The following PBXIP1 variants were observed in gnomAD, a reference collection of about 807,000 sequenced individuals.
The protein encoded by PBXIP1 is pre-B-cell leukemia transcription factor-interacting protein 1.
In PBXIP1, 73 loss-of-function variants were observed where a neutral mutation model predicts 73.7. The observed-to-expected ratio is 0.99, with a 90% CI of 0.82 to 1.20. The LOEUF (loss-of-function observed/expected upper bound fraction) is 1.20, where lower values mean the gene tolerates loss of function less well. Among genes scored for constraint, PBXIP1 ranks in the 50% most tolerant of loss-of-function variants. PBXIP1 has a pLI of 0.00. For synonymous variants in PBXIP1, 330 were observed against 366.9 expected, an observed-to-expected ratio of 0.90 and a Z score of 1.15; for missense variants, 818 against 911.4, an observed-to-expected ratio of 0.90 and a Z score of 1.32.
At chr1:154,945,189 C>T in intron 10 of PBXIP1, 72 bp from the exon 11 acceptor site, 2 of 1,106,278 alleles carry the variant, frequency 1.8e-6, no homozygotes, top group Non-Finnish European at 2.7e-6. Context: ...AGAGAGGACC[C>T]TGCTCCTCCC....
rs1356025589 is a variant in PBXIP1 at position 154,946,302 on chromosome 1, T to C, written c.1372A>G (p.Lys458Glu). ...QDPGVSANASKAWHQKSHFQN... is the reference protein window; with the variant it reads ...QDPGVSANASEAWHQKSHFQN... ...AAGTGGGACTTCTGGTGCCAGGCCT[T>C]TGAGGCATTGGCAGAGACCCCAGGG... The change falls in exon 10 of 11, where the codon AAG becomes GAG. Residue 458 changes from lysine (K) to glutamate (E), a missense_variant. By Grantham distance (56) the Lys-to-Glu change is moderately conservative. Coordinates refer to ENST00000368463, the MANE Select transcript of PBXIP1 (RefSeq NM_020524.4). 6.2e-7 allele frequency: 1 copy of C among 1,614,198 alleles called. No homozygotes were observed. The highest frequency in any genetic ancestry group is 8.5e-7 in the Non-Finnish European group (1 of 1,180,040).
chr1:154,953,646 T>C, intron 2 of PBXIP1, 25 bp downstream of exon 2: 1 of 1,265,214 alleles, frequency 7.9e-7, no homozygotes, highest in Non-Finnish European at 1.2e-6. Flanking sequence ...CCCACCCCCA[T>C]GGTTCCCAGG....
At position 154,945,602 on chromosome 1, in the gene PBXIP1, T is replaced by C. The variant is rs1337428785; in HGVS notation, c.2072A>G (p.His691Arg). 1 of 1,613,898 alleles carries C rather than the reference T, an allele frequency of 6.2e-7. No homozygotes were observed. The highest frequency in any genetic ancestry group is 1.3e-5 in the African/African-American group (1 of 74,938). Reference protein sequence around the residue: ...VDDFEDFIFSHFFGDKALKKR... With the variant: ...VDDFEDFIFSRFFGDKALKKR... ...CTTCAGTGCTTTGTCTCCAAAGAAG[T>C]GGCTGAAGATGAAGTCCTCAAAGTC... The change falls in exon 10 of 11, where the codon CAC becomes CGC. Residue 691 changes from histidine to arginine, a missense_variant. His to Arg is a conservative substitution (Grantham distance 29). Coordinates refer to ENST00000368463, the MANE Select transcript of PBXIP1 (RefSeq NM_020524.4).
rs1654864343 is a variant in PBXIP1, at chr1:154,947,469, T to G, written c.818A>C (p.Asp273Ala). Residue 273 changes from aspartate (D) to alanine (A), a missense_variant, in exon 9 of 11, where the codon GAC becomes GCC. Coordinates refer to ENST00000368463, the MANE Select transcript of PBXIP1 (RefSeq NM_020524.4). ...GTCCTGGTTCTCCTTGGCCAGCTTG[T>G]CCAGCAGAAGACCCATGTTTTGCAG... is the stretch of plus-strand genomic sequence containing the variant. ...PSLQNMGLLLDKLAKENQDIR... is the reference protein window; with the variant it reads ...PSLQNMGLLLAKLAKENQDIR... 2 of 1,613,910 alleles carry G rather than the reference T, an allele frequency of 1.2e-6. No individual in the cohort carries two copies. The highest frequency in any genetic ancestry group is 1.7e-6 in the Non-Finnish European group (2 of 1,179,926).
intron 8 of PBXIP1, 23 bp downstream of exon 8, chr1:154,947,619 C>A: frequency 6.2e-7 from 1 of 1,612,988 alleles, no homozygotes; most frequent in Non-Finnish European, 8.5e-7. Flanking sequence ...GCCCCACCTG[C>A]CTCTGGAGAC....
intron 7 of PBXIP1, 101 bp from the exon 8 acceptor site, chr1:154,947,813 C>T: frequency 2.8e-6 from 4 of 1,419,882 alleles, no homozygotes; most frequent in Non-Finnish European, 3.9e-6. Flanking sequence ...TCAGGACCCA[C>T]CCTGTGGCTG....
rs775540642 is a variant in PBXIP1 at position 154,945,034 on chromosome 1, T to C, written c.2186A>G (p.His729Arg). 2.3e-5 allele frequency: 37 copies of C among 1,584,782 alleles called. No homozygotes were observed. Among genetic ancestry groups the C allele is most frequent in the Non-Finnish European group, 2.9e-5 (34 of 1,155,650 alleles). The change falls in exon 11 of 11, where the codon CAC becomes CGC. Residue 729 changes from histidine (H) to arginine (R), a missense_variant. Transcript: ENST00000368463. The part of the protein sequence containing the change: ...EGHSHSHHHH[H>R]RG ...CTGTGGGGCAGGGTGTCAGCCCCGG[T>C]GGTGGTGGTGGTGGCTATGGCTGTG...
chr1:154,948,899 C>T (rs1654921255), intron 5 of PBXIP1, among the ~76,000 whole-genome samples: 1 of 152,190 alleles, frequency 6.6e-6, no homozygotes, highest in South Asian at 2.1e-4. Context: ...GTATGTCTGA[C>T]TGCCTGCTGG....
rs997343428 is a variant in PBXIP1, at chr1:154,956,086, T to C, written c.-54A>G. ...GGCATTACCTGAACCAGCTCTTGCT[T>C]CGGTCTTCAGCTTAACTTGTTGCAG... On this transcript the variant is annotated 5_prime_UTR_variant, in exon 1 of 11. Coordinates refer to ENST00000368463, the MANE Select transcript of PBXIP1 (RefSeq NM_020524.4). 1 of 152,420 alleles carries C rather than the reference T, an allele frequency of 6.6e-6. No individual in the cohort carries two copies. Among genetic ancestry groups the C allele is most frequent in the Non-Finnish European group, 1.5e-5 (1 of 68,056 alleles). The allele number at this position is 152,420 out of a possible 1,614,324, so 9.4% of individuals were successfully genotyped here.
chr1:154,948,275 G>C lies in PBXIP1; in HGVS notation c.501C>G (p.Ala167=). The change falls in exon 6 of 11, where the codon GCC becomes GCG. Residue 167 remains alanine, a synonymous_variant. Transcript: ENST00000368463. ...EGLRRRRGRE[A]GPPQPMVPLA... is the part of the protein sequence containing the mutation. Reference sequence around the variant, plus strand: ...GGGGCACCATGGGCTGAGGTGGGCCGGCCTCCCGGCCCCGCCGTCTCCGCA... The same window carrying C: ...GGGGCACCATGGGCTGAGGTGGGCCCGCCTCCCGGCCCCGCCGTCTCCGCA... 1 of 1,610,452 alleles carries C rather than the reference G, an allele frequency of 6.2e-7. No homozygotes were observed. The highest frequency in any genetic ancestry group is 8.5e-7 in the Non-Finnish European group (1 of 1,178,730).
chr1:154,947,095 T>A, intron 9 of PBXIP1: 1 of 578,130 alleles, frequency 1.7e-6, no homozygotes, highest in South Asian at 2.4e-5. Context: ...TCTTATTTCC[T>A]GGAACAGTGT....
rs753964420 is a variant in PBXIP1, at chr1:154,953,685, G to A, written c.37C>T (p.Leu13Phe). ...GCTCTTCCTACCTCGGAGCCAGCAA[G>A]CACCCAGCTATTATCAGAGTCTGGG... is the stretch of plus-strand genomic sequence containing the variant. ...SCPDSDNSWV[L>F]AGSESLPVET... Residue 13 changes from leucine (L) to phenylalanine (F), a missense_variant, in exon 2 of 11, where the codon CTT becomes TTT. By Grantham distance (22) the Leu-to-Phe change is conservative (BLOSUM62 0). Coordinates refer to ENST00000368463, the MANE Select transcript of PBXIP1 (RefSeq NM_020524.4). The A allele has an allele frequency of 5.6e-6, 9 of 1,612,620 alleles. No homozygotes were observed. Among genetic ancestry groups the A allele is most frequent in the East Asian group, 2.2e-5 (1 of 44,854 alleles).
At position 154,946,451 on chromosome 1, in the gene PBXIP1, A is replaced by G; in HGVS notation, c.1223T>C (p.Val408Ala). Residue 408 changes from valine (V) to alanine (A), a missense_variant, in exon 10 of 11, where the codon GTA becomes GCA. Transcript: ENST00000368463. Reference protein sequence around the residue: ...LERQRRLLGSVQQDLERSLQD... With the variant: ...LERQRRLLGSAQQDLERSLQD... ...CAAGCTCCTCTCCAGATCCTGCTGT[A>G]CAGACCCCAGCAGCCGTCGCTGCCT... The G allele has an allele frequency of 6.2e-7, 1 of 1,609,086 alleles. No individual in the cohort carries two copies. Among genetic ancestry groups the G allele is most frequent in the Non-Finnish European group, 8.5e-7 (1 of 1,179,986 alleles).
At position 154,944,952 on chromosome 1, in the gene PBXIP1, C is replaced by A; in HGVS notation, c.*72G>T. On this transcript the variant is annotated 3_prime_UTR_variant, in exon 11 of 11. Coordinates refer to ENST00000368463, the MANE Select transcript of PBXIP1 (RefSeq NM_020524.4). ...ACCAAACAAGCCAGGACAGAGTCCA[C>A]CCTCCAGGAGTTAGATAACGCTGGG... The A allele has an allele frequency of 3.2e-6, 4 of 1,258,644 alleles. No individual in the cohort carries two copies. Among genetic ancestry groups the A allele is most frequent in the South Asian group, 1.2e-5 (1 of 82,692 alleles). 78.0% of individuals were successfully genotyped at this position (1,258,644 alleles called of 1,614,324 possible).
At position 154,945,897 on chromosome 1, in the gene PBXIP1, C is replaced by T. The variant is rs550019434; in HGVS notation, c.1777G>A (p.Glu593Lys). 9.2e-5 allele frequency: 149 copies of T among 1,614,056 alleles called. 1 individual carries two copies. The highest frequency in any genetic ancestry group is 1.5e-4 in the Admixed American group (9 of 60,014). ...GTCAGGCCCTCCTGCCGGGCACACT[C>T]GTCCACACCTGAGCAGCCCTGGGGT... ...RAPQGCSGVD[E>K]CARQEGLTFF... The change falls in exon 10 of 11, where the codon GAG (glutamate) becomes AAG (lysine). Residue 593 changes from glutamate to lysine, a missense_variant. Transcript: ENST00000368463.
intron 2 of PBXIP1, 94 bp from the exon 3 acceptor site, chr1:154,952,015 A>G: frequency 7.2e-7 from 1 of 1,383,442 alleles, no homozygotes; most frequent in Non-Finnish European, 9.8e-7. Flanking sequence ...GAGCTGGCCC[A>G]AAAAGGGGCT....
At position 154,951,153 on chromosome 1, in the gene PBXIP1, T is replaced by A; in HGVS notation, c.409+79A>T. ...CAGCCCTAGGGCCTGGACCACAGCA[T>A]GTGCTCAGTAGTGATGGCTGATCCC... is the stretch of plus-strand genomic sequence containing the variant. On this transcript the variant is annotated intron_variant, in intron 5 of 10. Transcript: ENST00000368463. This position sits in a 1 kb window ranked among gnomAD's most constrained non-coding sequence, Gnocchi z 4.3. 1 of 1,335,214 alleles carries A rather than the reference T, an allele frequency of 7.5e-7. No homozygotes were observed. The highest frequency in any genetic ancestry group is 1.1e-6 in the Non-Finnish European group (1 of 939,846). The allele number at this position is 1,335,214 out of a possible 1,614,324, so 82.7% of individuals were successfully genotyped here. A position where few individuals can be genotyped will look rare whatever the true frequency, so the allele number is the denominator to read the frequency against.
Position 154,951,261 on chromosome 1 carries a change from G to C in PBXIP1, c.380C>G (p.Pro127Arg). The stretch of plus-strand genomic sequence containing the variant: ...TTTGGGGGTTGAAGGCAGGCTCTGT[G>C]GAGGGCTCTGGCCTTCCAGGTCCTG... ...DTQDLEGQSPPQSLPSTPKAA... is the reference protein window; with the variant it reads ...DTQDLEGQSPRQSLPSTPKAA... Residue 127 changes from proline to arginine, a missense_variant, in exon 5 of 11, where the codon CCA becomes CGA. By Grantham distance (103) the Pro-to-Arg change is moderately radical. Coordinates refer to ENST00000368463, the MANE Select transcript of PBXIP1 (RefSeq NM_020524.4). The surrounding 1 kb of genome is among the most constrained non-coding windows in gnomAD (Gnocchi z 4.3). 6.2e-7 allele frequency: 1 copy of C among 1,614,144 alleles called. No individual in the cohort carries two copies. The highest frequency in any genetic ancestry group is 8.5e-7 in the Non-Finnish European group (1 of 1,179,998).
At chr1:154,952,640 C>T (rs560327028) in intron 2 of PBXIP1, among the ~76,000 whole-genome samples, 1 of 152,324 alleles carries the variant, frequency 6.6e-6, no homozygotes, top group Non-Finnish European at 1.5e-5. Flanking sequence ...ATTTTCAAAA[C>T]ATTTTTATTC....
Sources: allele counts gnomAD v4.1 joint callset (sites outside exome capture counted in the v4.1 genomes callset), GRCh38; gene constraint gnomAD v4.1.1; non-coding constraint Gnocchi (gnomAD v3.1); transcripts MANE v1.5; gene names NCBI Gene and HGNC (gene_info 2026-07-23, HGNC 2026-07-21).